TRPM3: variants seen among roughly 807,000 people sequenced by gnomAD.
TRPM3 encodes the protein long transient receptor potential channel 3.
A neutral mutation model predicts 181.2 loss-of-function variants in TRPM3; 77 were observed. The observed-to-expected ratio is 0.42, with a 90% CI of 0.35 to 0.51. TRPM3 has a LOEUF of 0.51. Among genes scored for constraint, TRPM3 ranks in the 20% least tolerant of loss-of-function variants. The pLI is 0.01. For missense variants in TRPM3, 1,759 were observed against 2,196.7 expected, an observed-to-expected ratio of 0.80 and a Z score of 3.98; for synonymous variants, 745 against 796.4, an observed-to-expected ratio of 0.94 and a Z score of 1.09.
chr9:70,909,963 GC>G (rs1432496315), intron 1 of TRPM3, among the ~76,000 whole-genome samples: 1 of 152,134 alleles, frequency 6.6e-6, no homozygotes, highest in Non-Finnish European at 1.5e-5. Context: ...AGTGTAAATT[GC>G]TACAATTTGG....
At chr9:70,932,060 C>T (rs868756050) in intron 1 of TRPM3, among the ~76,000 whole-genome samples, 3 of 152,034 alleles carry the variant, frequency 2.0e-5, no homozygotes, top group African/African-American at 7.2e-5. Flanking sequence ...AGGACACAGA[C>T]GATAAATCTA....
At chr9:70,701,406 C>T (rs1476897569) in intron 8 of TRPM3, among the ~76,000 whole-genome samples, 1 of 152,140 alleles carries the variant, frequency 6.6e-6, no homozygotes, top group African/African-American at 2.4e-5. Context: ...CTGACTGTGC[C>T]TCCCTGATTT....
chr9:70,913,863 T>C (rs980578473), intron 1 of TRPM3, among the ~76,000 whole-genome samples: 8 of 152,200 alleles, frequency 5.3e-5, no homozygotes, highest in African/African-American at 1.4e-4. Context: ...CTTCCTTTCC[T>C]CTGCATGATG....
At chr9:70,859,536 G>A (rs1051588049) in intron 3 of TRPM3, among the ~76,000 whole-genome samples, 3 of 152,150 alleles carry the variant, frequency 2.0e-5, no homozygotes, top group African/African-American at 4.8e-5. Flanking sequence ...CAGTACCAGC[G>A]ATGTAGTAGA....
At chr9:71,015,180 C>T (rs986663019) in intron 1 of TRPM3, among the ~76,000 whole-genome samples, 2 of 152,280 alleles carry the variant, frequency 1.3e-5, no homozygotes, top group African/African-American at 2.4e-5. Context: ...TACTGACTCC[C>T]TCTATTTAAA....
At chr9:71,244,327 C>A (rs941262940) in intron 1 of TRPM3, among the ~76,000 whole-genome samples, 1 of 152,130 alleles carries the variant, frequency 6.6e-6, no homozygotes. Context: ...AAAAATAAAA[C>A]TAACTCCACA....
At chr9:70,863,639 C>A (rs2152757) in intron 2 of TRPM3, among the ~76,000 whole-genome samples, 3 of 152,028 alleles carry the variant, frequency 2.0e-5, no homozygotes, top group Admixed American at 6.6e-5. Flanking sequence ...GTGTTCTTGA[C>A]GAAACAATGA....
chr9:70,819,319 G>A (rs182610847), intron 6 of TRPM3, among the ~76,000 whole-genome samples: 2 of 152,274 alleles, frequency 1.3e-5, no homozygotes, highest in East Asian at 1.9e-4. Context: ...TAGATATATA[G>A]GTGTGTTGGC....
chr9:70,695,863 A>C (rs1180171738), intron 8 of TRPM3, among the ~76,000 whole-genome samples: 1 of 152,176 alleles, frequency 6.6e-6, no homozygotes, highest in East Asian at 1.9e-4. Flanking sequence ...TGCAGGCGGA[A>C]AGGCTGAGAT....
chr9:70,846,293 G>C, intron 4 of TRPM3, 85 bp downstream of exon 4: 1 of 1,324,492 alleles, frequency 7.6e-7, no homozygotes, highest in Middle Eastern at 1.8e-4. Context: ...GGGTGATATA[G>C]AAATAATTAA....
chr9:70,770,277 T>C (rs1298889641), intron 7 of TRPM3, among the ~76,000 whole-genome samples: 1 of 152,198 alleles, frequency 6.6e-6, no homozygotes, highest in African/African-American at 2.4e-5. Context: ...ATCCCTCCTT[T>C]GAATTGCTTT....
chr9:71,422,934 G>A (rs1348809466), intron 1 of TRPM3, among the ~76,000 whole-genome samples: 2 of 152,054 alleles, frequency 1.3e-5, no homozygotes, highest in African/African-American at 4.8e-5. Flanking sequence ...AACTTTACAA[G>A]CCCCACACAC....
intron 1 of TRPM3, among the ~76,000 whole-genome samples, chr9:70,876,233 T>C (rs867019976): frequency 1.5e-4 from 22 of 151,494 alleles, no homozygotes; most frequent in African/African-American, 5.3e-4. Flanking sequence ...CTTTTTGGAA[T>C]ATTTTACATC....
chr9:71,352,139 T>C (rs1463551048), intron 1 of TRPM3, among the ~76,000 whole-genome samples: 1 of 152,150 alleles, frequency 6.6e-6, no homozygotes, highest in East Asian at 1.9e-4. Flanking sequence ...CCTCCCAAAG[T>C]GGTGGGATTA....
At chr9:71,365,962 G>A (rs1226458765) in intron 1 of TRPM3, among the ~76,000 whole-genome samples, 1 of 152,040 alleles carries the variant, frequency 6.6e-6, no homozygotes, top group African/African-American at 2.4e-5. Context: ...AATAAAAAAA[G>A]GGGGATAAAG....
chr9:70,656,198 T>A (rs1467210529), intron 9 of TRPM3, among the ~76,000 whole-genome samples: 1 of 152,206 alleles, frequency 6.6e-6, no homozygotes, highest in East Asian at 1.9e-4. Flanking sequence ...TTATACTAAT[T>A]CCTGCCAAGT....
At chr9:70,958,228 C>G (rs998072991) in intron 1 of TRPM3, among the ~76,000 whole-genome samples, 1 of 152,092 alleles carries the variant, frequency 6.6e-6, no homozygotes, top group Non-Finnish European at 1.5e-5. Flanking sequence ...GCTATTTTTG[C>G]TAGCAAAGTT....
chr9:70,542,617 A>G (rs569101562), intron 25 of TRPM3, among the ~76,000 whole-genome samples: 1 of 152,324 alleles, frequency 6.6e-6, no homozygotes, highest in African/African-American at 2.4e-5. Flanking sequence ...TCCACATGCA[A>G]TTTCTTAAGA....
Position 70,744,064 on chromosome 9 carries a change from G to A in TRPM3, c.1272+17537C>T, listed in dbSNP as rs111722181. ...AAATCAAATGGGGCCGGGCACAGTG[G>A]CTCACGTAATCCCAGCTCTTTGGGA... On this transcript the variant is annotated intron_variant, in intron 8 of 25. Transcript: ENST00000677713. 1.8e-3 allele frequency among the ~76,000 whole-genome samples: 279 copies of A among 152,126 alleles called. 1 individual carries two copies. The highest frequency in any genetic ancestry group is 2.5e-3 in the Non-Finnish European group (172 of 67,982).
Sources: allele counts gnomAD v4.1 joint callset (sites outside exome capture counted in the v4.1 genomes callset), GRCh38; gene constraint gnomAD v4.1.1; transcripts MANE v1.5; gene names NCBI Gene and HGNC (gene_info 2026-07-23, HGNC 2026-07-21).